IQCM: variants seen among roughly 807,000 people sequenced by gnomAD.
IQCM encodes the protein IQ motif containing M, also known as IQ domain-containing protein M.
A neutral mutation model predicts 57.6 loss-of-function variants in IQCM; 45 were observed. That is an observed-to-expected ratio of 0.78 (90% confidence interval 0.62 to 1.00). The LOEUF (loss-of-function observed/expected upper bound fraction) is 1.00, where lower values mean the gene tolerates loss of function less well. Among genes scored for constraint, IQCM ranks in the 50% least tolerant of loss-of-function variants. IQCM has a pLI of 0.00. For synonymous variants in IQCM, 148 were observed against 158.9 expected, an observed-to-expected ratio of 0.93 and a Z score of 0.51; for missense variants, 468 against 511.6, an observed-to-expected ratio of 0.91 and a Z score of 0.82.
intron 2 of IQCM, among the ~76,000 whole-genome samples, chr4:149,812,500 A>G (rs1774662304): frequency 7.1e-6 from 1 of 139,952 alleles, no homozygotes; most frequent in Non-Finnish European, 1.5e-5. Flanking sequence ...ACACACACAC[A>G]CAGACACACA....
chr4:149,775,044 A>AT (rs1770959254), intron 2 of IQCM, among the ~76,000 whole-genome samples: 1 of 128,534 alleles, frequency 7.8e-6, no homozygotes, highest in Non-Finnish European at 1.5e-5. Context: ...TTTTGCCAAA[A>AT]AAAAAAAAAA....
At chr4:149,455,795 T>C (rs888303137) in intron 12 of IQCM, among the ~76,000 whole-genome samples, 3 of 151,790 alleles carry the variant, frequency 2.0e-5, no homozygotes, top group African/African-American at 7.3e-5. Context: ...GCGAGACACC[T>C]GTCTCTACAA....
chr4:149,465,928 G>C (rs1647197928), intron 12 of IQCM, among the ~76,000 whole-genome samples: 1 of 152,084 alleles, frequency 6.6e-6, no homozygotes, highest in African/African-American at 2.4e-5. Flanking sequence ...AGGATACACT[G>C]CAGAGGTGGC....
chr4:149,404,578 A>G (rs1732847323), intron 13 of IQCM, among the ~76,000 whole-genome samples: 1 of 152,078 alleles, frequency 6.6e-6, no homozygotes, highest in Admixed American at 6.6e-5. Flanking sequence ...GAAATGCTCT[A>G]TAGGAAAGGT....
chr4:149,712,310 C>G (rs562665277), intron 5 of IQCM, among the ~76,000 whole-genome samples: 1 of 152,084 alleles, frequency 6.6e-6, no homozygotes, highest in African/African-American at 2.4e-5. Context: ...GGATTGATCT[C>G]TTTATCCTGT....
chr4:149,759,697 T>C (rs74988755), intron 2 of IQCM, among the ~76,000 whole-genome samples: 53 of 152,246 alleles, frequency 3.5e-4, no homozygotes, highest in African/African-American at 1.2e-3. Flanking sequence ...AGGGAAATTA[T>C]GAAATATTTA....
intron 7 of IQCM, among the ~76,000 whole-genome samples, chr4:149,660,093 G>GCTAATA (rs1760034185): frequency 6.6e-6 from 1 of 151,086 alleles, no homozygotes; most frequent in African/African-American, 2.4e-5. Flanking sequence ...CTGACAAAGG[G>GCTAATA]CTAATATCCA....
intron 5 of IQCM, among the ~76,000 whole-genome samples, chr4:149,701,171 C>T (rs887709992): frequency 6.6e-6 from 1 of 152,046 alleles, no homozygotes; most frequent in Non-Finnish European, 1.5e-5. Context: ...TCATTTAACC[C>T]CAGCTGGGAT....
rs1008720539 is a variant in IQCM, at chr4:149,359,983, C to A, written c.1391-7917G>T. ...ACTAGCTGAGAGCTTTCTGGGTCTC[C>A]ATTTCCTAATCAAGAAATAAACAAG... On this transcript the variant is annotated intron_variant, in intron 13 of 13. Coordinates refer to ENST00000636793, the MANE Select transcript of IQCM (RefSeq NM_001363507.2). Among the ~76,000 whole-genome samples, 7 of 152,062 alleles carry A rather than the reference C, an allele frequency of 4.6e-5. No homozygotes were observed. The South Asian group carries it at 1.5e-3, about 32-fold the overall frequency.
chr4:149,651,284 C>T (rs1759153617), intron 7 of IQCM, among the ~76,000 whole-genome samples: 1 of 152,060 alleles, frequency 6.6e-6, no homozygotes, highest in Non-Finnish European at 1.5e-5. Context: ...TTCCCAAGGT[C>T]TCAAGAAACT....
chr4:149,689,696 A>T (rs1277686023), intron 5 of IQCM, among the ~76,000 whole-genome samples: 1 of 152,182 alleles, frequency 6.6e-6, no homozygotes, highest in Admixed American at 6.6e-5. Flanking sequence ...AAGGACTAAT[A>T]TCCAGAATCT....
At chr4:149,522,773 C>T (rs1482494741) in intron 12 of IQCM, among the ~76,000 whole-genome samples, 2 of 152,030 alleles carry the variant, frequency 1.3e-5, no homozygotes, top group East Asian at 3.9e-4. Context: ...AATTATATTG[C>T]TTGAATTAAT....
At chr4:149,785,537 A>G (rs1391372492) in intron 2 of IQCM, among the ~76,000 whole-genome samples, 1 of 152,202 alleles carries the variant, frequency 6.6e-6, no homozygotes, top group Non-Finnish European at 1.5e-5. Context: ...TAACCAACAA[A>G]ACTGAAGGAT....
At chr4:149,540,997 TTCTAA>T (rs770422768) in intron 12 of IQCM, among the ~76,000 whole-genome samples, 3 of 152,208 alleles carry the variant, frequency 2.0e-5, no homozygotes, top group African/African-American at 7.2e-5. Flanking sequence ...CTTAAATTTT[TTCTAA>T]TCTAAAGTCC....
chr4:149,366,396 C>T (rs992872050), intron 13 of IQCM, among the ~76,000 whole-genome samples: 7 of 151,794 alleles, frequency 4.6e-5, no homozygotes, highest in Admixed American at 3.3e-4. Context: ...TGGTCTACTC[C>T]TCTATGATCC....
At chr4:149,659,793 A>G (rs1760002334) in intron 7 of IQCM, among the ~76,000 whole-genome samples, 1 of 151,850 alleles carries the variant, frequency 6.6e-6, no homozygotes, top group Admixed American at 6.6e-5. Context: ...GAAAGCTGAA[A>G]CTGGATCCCT....
chr4:149,800,856 T>C (rs923068446), intron 2 of IQCM, among the ~76,000 whole-genome samples: 3 of 152,050 alleles, frequency 2.0e-5, no homozygotes, highest in Admixed American at 2.0e-4. Flanking sequence ...CAGAAAGATA[T>C]TCCATGTTTA....
At chr4:149,555,815 T>C (rs894321891) in intron 10 of IQCM, among the ~76,000 whole-genome samples, 14 of 152,226 alleles carry the variant, frequency 9.2e-5, no homozygotes, top group African/African-American at 3.1e-4. Flanking sequence ...AGGAAGGGCA[T>C]TGGGCAACCA....
At chr4:149,777,788 C>T (rs1771228744) in intron 2 of IQCM, among the ~76,000 whole-genome samples, 2 of 152,184 alleles carry the variant, frequency 1.3e-5, no homozygotes, top group Admixed American at 1.3e-4. Context: ...GAGGAGGCGG[C>T]ACGCTAGCTA....
Sources: allele counts gnomAD v4.1 joint callset (sites outside exome capture counted in the v4.1 genomes callset), GRCh38; gene constraint gnomAD v4.1.1; transcripts MANE v1.5; gene names NCBI Gene and HGNC (gene_info 2026-07-23, HGNC 2026-07-21).